Variants in ZFYVE28 observed in about 807,000 individuals in gnomAD.
ZFYVE28 encodes the protein zinc finger FYVE-type containing 28.
In ZFYVE28, 40 loss-of-function variants were observed where a neutral mutation model predicts 82.1. That is an observed-to-expected ratio of 0.49 (90% CI 0.38 to 0.63). ZFYVE28 has a LOEUF of 0.63. Among genes scored for constraint, ZFYVE28 ranks in the 30% least tolerant of loss-of-function variants. ZFYVE28 has a pLI of 0.00. For synonymous variants in ZFYVE28, 612 were observed against 546.1 expected (o/e 1.12, Z -1.68); for missense variants, 1,321 against 1,242.1 (o/e 1.06, Z -0.96).
rs143506370 is a variant in ZFYVE28 at position 2,363,452 on chromosome 4, C to T, written c.40-9379G>A. ...TTCTTTCTCCCTGGAAGCAGGGTGT[C>T]CTTCAAAGCTTTGCCCTGGGGGTCA... On this transcript the variant is annotated intron_variant, in intron 1 of 12. Transcript: ENST00000290974. 2.0e-5 allele frequency among the ~76,000 whole-genome samples: 3 copies of T among 152,102 alleles called. No individual in the cohort carries two copies. The East Asian group carries it at 5.8e-4, about 30-fold the overall frequency.
At chr4:2,329,483 G>C (rs574888154) in intron 6 of ZFYVE28, among the ~76,000 whole-genome samples, 2 of 152,132 alleles carry the variant, frequency 1.3e-5, no homozygotes, top group Admixed American at 6.5e-5. Context: ...GGGGAAACTT[G>C]AAAACATTAT....
At position 2,372,885 on chromosome 4, in the gene ZFYVE28, A is replaced by G. The variant is rs1727721765; in HGVS notation, c.40-18812T>C. On this transcript the variant is annotated intron_variant, in intron 1 of 12. Transcript: ENST00000290974. This position sits in a 1 kb window ranked among gnomAD's most constrained non-coding sequence, Gnocchi z 5.2. Reference sequence around the variant, plus strand: ...CCAGTCCCTACCCAGGGGCCCTCCTAGCACCCCCAGCCTCTCTGCCAGCCA... The same window carrying G: ...CCAGTCCCTACCCAGGGGCCCTCCTGGCACCCCCAGCCTCTCTGCCAGCCA... Among the ~76,000 whole-genome samples the G allele has an allele frequency of 6.6e-6, 1 of 151,872 alleles. No individual in the cohort carries two copies. The highest frequency in any genetic ancestry group is 6.6e-5 in the Admixed American group (1 of 15,266).
At chr4:2,384,889 C>T (rs2108918152) in intron 1 of ZFYVE28, among the ~76,000 whole-genome samples, 1 of 152,272 alleles carries the variant, frequency 6.6e-6, no homozygotes. Context: ...CAAGATGTGA[C>T]GGAGACAGGC....
intron 1 of ZFYVE28, among the ~76,000 whole-genome samples, chr4:2,415,375 G>A (rs554240511): frequency 3.3e-5 from 5 of 151,998 alleles, no homozygotes; most frequent in South Asian, 2.1e-4. Context: ...CCAGTGCTTC[G>A]GGAGGCTGAG....
In ZFYVE28 at chr4:2,305,138, A is replaced by T; in HGVS notation, c.1202T>A (p.Phe401Tyr). Residue 401 changes from phenylalanine (F) to tyrosine (Y), a missense_variant, in exon 8 of 13, where the codon TTC (phenylalanine) becomes TAC (tyrosine). Physicochemically the swap from Phe to Tyr is conservative, Grantham distance 22. Coordinates refer to ENST00000290974, the MANE Select transcript of ZFYVE28 (RefSeq NM_020972.3). ...RSGSDEEERV[F>Y]FMDDVEGTAE... ...CGTCCCCTCCACGTCATCCATGAAGAACACGCGCTCCTCCTCGTCACTGCC... is the reference window on the plus strand; with the variant it reads ...CGTCCCCTCCACGTCATCCATGAAGTACACGCGCTCCTCCTCGTCACTGCC... The T allele has an allele frequency of 6.3e-7, 1 of 1,589,882 alleles. No individual in the cohort carries two copies. The highest frequency in any genetic ancestry group is 8.6e-7 in the Non-Finnish European group (1 of 1,166,694).
rs1024763498 is a variant in ZFYVE28 at position 2,418,220 on chromosome 4, G to C, written c.39+65C>G. On this transcript the variant is annotated intron_variant, in intron 1 of 12. Coordinates refer to ENST00000290974, the MANE Select transcript of ZFYVE28 (RefSeq NM_020972.3). This position sits in a 1 kb window ranked among gnomAD's most constrained non-coding sequence, Gnocchi z 4.6. ...AGGGAGTCCGTCTTGTAGGGCGGAC[G>C]GGCGGTCCTGGGGAAGGGAGAGGCC... The C allele has an allele frequency of 7.6e-5, 111 of 1,464,412 alleles. 1 individual carries two copies. The highest frequency in any genetic ancestry group is 5.2e-4 in the Middle Eastern group (3 of 5,764). The allele number at this position is 1,464,412 out of a possible 1,614,324, so 90.7% of individuals were successfully genotyped here.
chr4:2,308,054 C>A (rs1014650943), intron 7 of ZFYVE28, among the ~76,000 whole-genome samples: 14 of 152,168 alleles, frequency 9.2e-5, no homozygotes, highest in African/African-American at 3.4e-4. Context: ...GTCTCAAGTC[C>A]ATCCTTGTAC....
At chr4:2,291,909 G>A (rs987507711) in intron 8 of ZFYVE28, among the ~76,000 whole-genome samples, 1 of 152,218 alleles carries the variant, frequency 6.6e-6, no homozygotes, top group Non-Finnish European at 1.5e-5. Flanking sequence ...AGCAGAGGGG[G>A]CCGGGCTGCA....
At chr4:2,379,199 GAC>G (rs1341416675) in intron 1 of ZFYVE28, among the ~76,000 whole-genome samples, 1 of 152,184 alleles carries the variant, frequency 6.6e-6, no homozygotes, top group Admixed American at 6.5e-5. Flanking sequence ...GCATTGGGGG[GAC>G]CGCTCCAGGG....
rs958440929 is a variant in ZFYVE28, at chr4:2,391,084, C to A, written c.39+27201G>T. On this transcript the variant is annotated intron_variant, in intron 1 of 12. Transcript: ENST00000290974. ...CCTGCCTGTGGGCACGCAGCCTCCC[C>A]CAACCCCAAGCGCCCTCCTAAATGA... is the stretch of plus-strand genomic sequence containing the variant. Among the ~76,000 whole-genome samples the A allele has an allele frequency of 2.6e-4, 40 of 152,390 alleles. 1 individual carries two copies. Among genetic ancestry groups the A allele is most frequent in the Admixed American group, 1.1e-3 (17 of 15,310 alleles).
chr4:2,418,229 T>C lies in ZFYVE28; in HGVS notation c.39+56A>G. 1 of 1,502,898 alleles carries C rather than the reference T, an allele frequency of 6.7e-7. No homozygotes were observed. 93.1% of individuals were successfully genotyped at this position (1,502,898 alleles called of 1,614,324 possible). A position where few individuals can be genotyped will look rare whatever the true frequency, so the allele number is the denominator to read the frequency against. The stretch of plus-strand genomic sequence containing the variant: ...GTCTTGTAGGGCGGACGGGCGGTCC[T>C]GGGGAAGGGAGAGGCCGCGACGCGG... On this transcript the variant is annotated intron_variant, in intron 1 of 12. Transcript: ENST00000290974. The surrounding 1 kb of genome is among the most constrained non-coding windows in gnomAD (Gnocchi z 4.6).
At chr4:2,311,709 CT>C (rs1284670079) in intron 7 of ZFYVE28, among the ~76,000 whole-genome samples, 1 of 152,080 alleles carries the variant, frequency 6.6e-6, no homozygotes, top group Non-Finnish European at 1.5e-5. Context: ...ATCCTTTATT[CT>C]GTTCTAATTT....
chr4:2,342,961 G>C (rs189807643), intron 2 of ZFYVE28: 299 of 152,352 alleles, frequency 2.0e-3, no homozygotes, highest in African/African-American at 7.0e-3. Flanking sequence ...GACGATCCAT[G>C]TACGTAATAC....
At chr4:2,356,544 C>A (rs1272233282) in intron 1 of ZFYVE28, among the ~76,000 whole-genome samples, 1 of 152,214 alleles carries the variant, frequency 6.6e-6, no homozygotes, top group African/African-American at 2.4e-5. Flanking sequence ...CCTCTCAGCA[C>A]CACTGCTGTG....
chr4:2,345,725 CTA>C (rs1171793499), intron 2 of ZFYVE28, among the ~76,000 whole-genome samples: 4 of 151,200 alleles, frequency 2.6e-5, no homozygotes, highest in Admixed American at 2.0e-4. Context: ...TTTTTAAAAA[CTA>C]TACCAAATTA....
intron 8 of ZFYVE28, among the ~76,000 whole-genome samples, chr4:2,294,068 AG>A (rs1173570932): frequency 6.8e-6 from 1 of 146,092 alleles, no homozygotes; most frequent in African/African-American, 2.7e-5. Flanking sequence ...TCAAAATCCC[AG>A]CAGGCTTTTT....
At chr4:2,277,189 T>A (rs571743768) in intron 8 of ZFYVE28, among the ~76,000 whole-genome samples, 74 of 152,302 alleles carry the variant, frequency 4.9e-4, no homozygotes, top group East Asian at 2.9e-3. Flanking sequence ...GGCTTTTTTT[T>A]AAAGATCACG....
At chr4:2,285,382 C>T (rs574488456) in intron 8 of ZFYVE28, 4 of 152,402 alleles carry the variant, frequency 2.6e-5, no homozygotes, top group South Asian at 4.1e-4. Context: ...GGGGAACTAA[C>T]ACGTGGCGCT....
At chr4:2,410,454 CTTTTTTTT>C (rs11358765) in intron 1 of ZFYVE28, among the ~76,000 whole-genome samples, 1 of 119,340 alleles carries the variant, frequency 8.4e-6, no homozygotes, top group Non-Finnish European at 1.7e-5. Context: ...TCCTCCCTTT[CTTTTTTTT>C]TTTTTTTTTT....
Sources: allele counts gnomAD v4.1 joint callset (sites outside exome capture counted in the v4.1 genomes callset), GRCh38; gene constraint gnomAD v4.1.1; non-coding constraint Gnocchi (gnomAD v3.1); transcripts MANE v1.5; gene names NCBI Gene and HGNC (gene_info 2026-07-23, HGNC 2026-07-21).